Variants in CADPS observed in about 807,000 individuals in gnomAD.
The protein encoded by CADPS is calcium-dependent secretion activator 1.
Under a neutral mutation model 167.3 loss-of-function variants are expected in CADPS, and 57 were observed. The observed-to-expected ratio is 0.34, with a 90% CI of 0.28 to 0.42. The LOEUF (loss-of-function observed/expected upper bound fraction) is 0.42, where lower values mean the gene tolerates loss of function less well. Among genes scored for constraint, CADPS ranks in the 20% least tolerant of loss-of-function variants. The pLI is 1.00. For synonymous variants in CADPS, 676 were observed against 635.3 expected, an observed-to-expected ratio of 1.06 and a Z score of -0.96; for missense variants, 1,414 against 1,738.1, an observed-to-expected ratio of 0.81 and a Z score of 3.32.
chr3:62,872,096 T>A (rs193017083), intron 1 of CADPS, among the ~76,000 whole-genome samples: 1 of 147,426 alleles, frequency 6.8e-6, no homozygotes, highest in Non-Finnish European at 1.5e-5. Context: ...GACCTCCATA[T>A]CATCCTATCC....
intron 3 of CADPS, among the ~76,000 whole-genome samples, chr3:62,724,930 A>T (rs1366255385): frequency 6.6e-6 from 1 of 152,216 alleles, no homozygotes; most frequent in Non-Finnish European, 1.5e-5. Context: ...TTCACGGCTA[A>T]TTCTTGACAG....
At chr3:62,797,375 T>A (rs1257134083) in intron 1 of CADPS, among the ~76,000 whole-genome samples, 1 of 152,110 alleles carries the variant, frequency 6.6e-6, no homozygotes, top group African/African-American at 2.4e-5. Flanking sequence ...TTGCATGCAG[T>A]AGACGCCCAT....
intron 6 of CADPS, among the ~76,000 whole-genome samples, chr3:62,634,534 C>CTTGTATTACAGACATGTAATACATG (rs2065897518): frequency 6.6e-6 from 1 of 152,140 alleles, no homozygotes. Flanking sequence ...GAATGATATG[C>CTTGTATTACAGACATGTAATACATG]ATTGCTTGTA....
At chr3:62,612,616 T>C (rs151268351) in intron 6 of CADPS, among the ~76,000 whole-genome samples, 1 of 152,312 alleles carries the variant, frequency 6.6e-6, no homozygotes, top group Non-Finnish European at 1.5e-5. Context: ...GTTATGTCTA[T>C]AATGGAGATG....
chr3:62,576,788 TAA>T lies in CADPS; in HGVS notation c.1578-5852_1578-5851del, dbSNP rs138055445. Among the ~76,000 whole-genome samples the T allele has an allele frequency of 2.3e-4, 7 of 29,870 alleles. No homozygotes were observed. In the South Asian group the frequency reaches 3.4e-3, roughly 14 times the overall value. 19.6% of individuals were successfully genotyped at this position (29,870 alleles called of 152,430 possible). On this transcript the variant is annotated intron_variant, in intron 8 of 29. Transcript: ENST00000383710. ...CTGGGTGACAGAGCAAGACTCTGTC[TAA>T]AAAAAAAAAAAAAAAAAAAAAAAAA...
chr3:62,758,907 G>T (rs1047048856), intron 2 of CADPS, among the ~76,000 whole-genome samples: 2 of 152,168 alleles, frequency 1.3e-5, no homozygotes, highest in East Asian at 1.9e-4. Flanking sequence ...TACAGATGAG[G>T]TTGGCCTAGC....
At chr3:62,445,743 G>C (rs773902367) in intron 27 of CADPS, 22 bp downstream of exon 27, 4 of 1,344,904 alleles carry the variant, frequency 3.0e-6, no homozygotes, top group African/African-American at 1.6e-5. Flanking sequence ...AACCCCATGA[G>C]AAACAATTTT....
intron 2 of CADPS, among the ~76,000 whole-genome samples, chr3:62,760,516 A>G (rs2085139845): frequency 1.3e-5 from 2 of 151,996 alleles, no homozygotes; most frequent in African/African-American, 4.8e-5. Context: ...CAGCCTCATA[A>G]AGTACTGGGA....
At chr3:62,607,643 T>A (rs2060871359) in intron 6 of CADPS, among the ~76,000 whole-genome samples, 1 of 152,112 alleles carries the variant, frequency 6.6e-6, no homozygotes, top group Admixed American at 6.5e-5. Context: ...GCCAGCCCCA[T>A]CCCGTGAGAC....
chr3:62,801,459 T>C (rs1366789421), intron 1 of CADPS, among the ~76,000 whole-genome samples: 8 of 152,172 alleles, frequency 5.3e-5, no homozygotes, highest in Admixed American at 5.2e-4. Flanking sequence ...CATTATTTCA[T>C]GCATAAGGTC....
At chr3:62,474,440 A>G in intron 23 of CADPS, 120 bp from the exon 24 acceptor site, 1 of 833,128 alleles carries the variant, frequency 1.2e-6, no homozygotes, top group Non-Finnish European at 1.9e-6. Context: ...TCAGTCAACA[A>G]TGACTTCACA....
At chr3:62,687,482 A>G (rs1365916138) in intron 3 of CADPS, among the ~76,000 whole-genome samples, 5 of 152,080 alleles carry the variant, frequency 3.3e-5, no homozygotes, top group Non-Finnish European at 7.4e-5. Flanking sequence ...ACTGCTGCCA[A>G]TGAAAGGACT....
At chr3:62,493,350 CAA>C (rs1209210887) in intron 19 of CADPS, among the ~76,000 whole-genome samples, 1 of 152,230 alleles carries the variant, frequency 6.6e-6, no homozygotes, top group Admixed American at 6.5e-5. Flanking sequence ...TTGCCGATTT[CAA>C]AGAGAGCAGA....
chr3:62,576,788 T>TTAAA (rs1553936618), intron 8 of CADPS, among the ~76,000 whole-genome samples: 2,783 of 29,858 alleles, frequency 0.093, 931 homozygotes, highest in Admixed American at 0.12. Context: ...AGACTCTGTC[T>TTAAA]AAAAAAAAAA....
At chr3:62,681,006 T>TG (rs2077074998) in intron 3 of CADPS, among the ~76,000 whole-genome samples, 2 of 152,022 alleles carry the variant, frequency 1.3e-5, no homozygotes, top group Admixed American at 1.3e-4. Flanking sequence ...CCATGTTCCC[T>TG]GTGATCCTGC....
chr3:62,824,708 A>G (rs73102771), intron 1 of CADPS, among the ~76,000 whole-genome samples: 13,069 of 152,184 alleles, frequency 0.086, 742 homozygotes, highest in Admixed American at 0.13. Flanking sequence ...GTAATTCTAT[A>G]AAGTCTGCAG....
At chr3:62,705,657 A>T (rs1047051133) in intron 3 of CADPS, among the ~76,000 whole-genome samples, 1 of 152,076 alleles carries the variant, frequency 6.6e-6, no homozygotes, top group African/African-American at 2.4e-5. Context: ...CCTGTGCTGA[A>T]TGCTTCCTGG....
chr3:62,490,358 G>T (rs2063503336), intron 21 of CADPS, among the ~76,000 whole-genome samples: 2 of 152,078 alleles, frequency 1.3e-5, no homozygotes, highest in South Asian at 4.2e-4. Context: ...CCAGCAGTAG[G>T]CTTTACTGGA....
chr3:62,501,750 A>T (rs566602752), intron 17 of CADPS, among the ~76,000 whole-genome samples: 149 of 152,346 alleles, frequency 9.8e-4, no homozygotes, highest in Admixed American at 1.8e-3. Flanking sequence ...TTTAAAAAAA[A>T]GTCAATAATT....
Sources: gnomAD v4.1 joint callset for allele counts (sites outside exome capture counted in the v4.1 genomes callset) on GRCh38, gnomAD v4.1.1 for gene constraint, MANE v1.5 for transcripts, NCBI Gene and HGNC (gene_info 2026-07-23, HGNC 2026-07-21) for gene names.